The following SGCZ variants were observed in gnomAD, a reference collection of about 807,000 sequenced individuals.
SGCZ encodes the protein sarcoglycan zeta, also known as zeta-sarcoglycan.
SGCZ carries 40 observed loss-of-function variants against 41.3 expected under a neutral mutation model. That is an observed-to-expected ratio of 0.97 (90% CI 0.75 to 1.26). The LOEUF (loss-of-function observed/expected upper bound fraction) is 1.26. SGCZ is among the 50% of genes most tolerant of loss of function. SGCZ has a pLI of 0.00. For missense variants in SGCZ, 552 were observed against 369.8 expected, an observed-to-expected ratio of 1.49 and a Z score of -4.04; for synonymous variants, 206 against 137.5, an observed-to-expected ratio of 1.50 and a Z score of -3.49.
chr8:14,267,147 G>A (rs905708586), intron 3 of SGCZ, among the ~76,000 whole-genome samples: 14 of 151,970 alleles, frequency 9.2e-5, no homozygotes, highest in African/African-American at 3.4e-4. Context: ...CCAGATAAGA[G>A]TTATTATTAT....
At chr8:15,003,842 G>A (rs1802509010) in intron 1 of SGCZ, among the ~76,000 whole-genome samples, 1 of 152,106 alleles carries the variant, frequency 6.6e-6, no homozygotes, top group Non-Finnish European at 1.5e-5. Context: ...AAGTGTTGCT[G>A]ATGAAAACAA....
chr8:14,839,952 T>C (rs1802842236), intron 1 of SGCZ, among the ~76,000 whole-genome samples: 1 of 152,170 alleles, frequency 6.6e-6, no homozygotes. Flanking sequence ...TATTCTAATT[T>C]GTAGTATTAT....
At chr8:14,900,713 G>A (rs887088503) in intron 1 of SGCZ, among the ~76,000 whole-genome samples, 15 of 152,076 alleles carry the variant, frequency 9.9e-5, no homozygotes, top group Non-Finnish European at 1.8e-4. Flanking sequence ...TGCAGTTTAC[G>A]AAATCTGAAA....
intron 2 of SGCZ, among the ~76,000 whole-genome samples, chr8:14,551,573 T>TATATA: frequency 4.1e-5 from 1 of 24,668 alleles, no homozygotes; most frequent in South Asian, 8.7e-4. Flanking sequence ...ATATATAATA[T>TATATA]ATATATAATA....
intron 7 of SGCZ, among the ~76,000 whole-genome samples, chr8:14,099,164 C>G (rs1419661700): frequency 6.6e-6 from 1 of 152,168 alleles, no homozygotes. Flanking sequence ...CATTCCTGCA[C>G]CTACCTAGAT....
intron 5 of SGCZ, among the ~76,000 whole-genome samples, chr8:14,112,072 T>C (rs1301624233): frequency 1.3e-5 from 2 of 151,880 alleles, no homozygotes; most frequent in African/African-American, 4.8e-5. Context: ...GAAGAAGAGG[T>C]AGCACAAGAA....
rs554332622 is a variant in SGCZ at position 15,110,767 on chromosome 8, G to A, written c.39+126818C>T. Among the ~76,000 whole-genome samples the A allele has an allele frequency of 6.6e-4, 100 of 152,156 alleles. 1 individual carries two copies. The highest frequency in any genetic ancestry group is 6.8e-3 in the Middle Eastern group (2 of 294). ...GCGGATCACCTGAGGTCAGGAGTTC[G>A]AGACCAGCCTGACCAACATGGAGAA... On this transcript the variant is annotated intron_variant, in intron 1 of 7. Coordinates refer to ENST00000382080, the MANE Select transcript of SGCZ (RefSeq NM_139167.4).
At chr8:14,860,684 G>C (rs1340305558) in intron 1 of SGCZ, among the ~76,000 whole-genome samples, 1 of 130,790 alleles carries the variant, frequency 7.6e-6, no homozygotes, top group African/African-American at 3.0e-5. Flanking sequence ...AAGAGAGAAA[G>C]AAAGAAAGAA....
intron 1 of SGCZ, among the ~76,000 whole-genome samples, chr8:14,779,878 G>A (rs1020136328): frequency 6.6e-6 from 1 of 152,120 alleles, no homozygotes; most frequent in Non-Finnish European, 1.5e-5. Flanking sequence ...ATTGTTTAAA[G>A]ATTACATTTA....
rs970737991 is a variant in SGCZ at position 14,592,066 on chromosome 8, A to G, written c.40-37140T>C. On this transcript the variant is annotated intron_variant, in intron 1 of 7. Transcript: ENST00000382080. ...GTGTCATTATATCATCTCCCAAAAT[A>G]TAGCAAAGACTTGAAAAATGTCAAT... Among the ~76,000 whole-genome samples, 3 of 152,180 alleles carry G rather than the reference A, an allele frequency of 2.0e-5. No homozygotes were observed. The South Asian group carries it at 6.2e-4, about 31-fold the overall frequency.
chr8:14,970,787 G>C (rs1585423569), intron 1 of SGCZ, among the ~76,000 whole-genome samples: 1 of 151,966 alleles, frequency 6.6e-6, no homozygotes. Flanking sequence ...CTTTAGTTTT[G>C]TCCATTTCTA....
At chr8:14,703,363 G>C (rs905764055) in intron 1 of SGCZ, among the ~76,000 whole-genome samples, 2 of 151,786 alleles carry the variant, frequency 1.3e-5, no homozygotes, top group African/African-American at 4.8e-5. Context: ...CTTTGCCTGG[G>C]TGGTCTGTAT....
intron 1 of SGCZ, among the ~76,000 whole-genome samples, chr8:14,566,619 C>T (rs531801758): frequency 1.8e-4 from 27 of 152,374 alleles, no homozygotes. Context: ...ATGCTACCTT[C>T]TTCTTTTGTT....
chr8:14,328,788 A>G (rs185982760), intron 2 of SGCZ, among the ~76,000 whole-genome samples: 1 of 152,292 alleles, frequency 6.6e-6, no homozygotes, highest in Admixed American at 6.5e-5. Context: ...TAAGAGGTGG[A>G]GGCTTTAAGA....
chr8:14,714,892 T>C (rs1366829551), intron 1 of SGCZ, among the ~76,000 whole-genome samples: 1 of 152,068 alleles, frequency 6.6e-6, no homozygotes, highest in Non-Finnish European at 1.5e-5. Context: ...AGAGCTAAAT[T>C]TTAAAATTAA....
At chr8:14,283,103 C>A (rs886589726) in intron 3 of SGCZ, among the ~76,000 whole-genome samples, 29 of 152,088 alleles carry the variant, frequency 1.9e-4, no homozygotes, top group African/African-American at 7.0e-4. Context: ...CCCGCCTCGG[C>A]CTTCCAAAGT....
At chr8:14,672,649 G>A (rs888881793) in intron 1 of SGCZ, among the ~76,000 whole-genome samples, 7 of 152,098 alleles carry the variant, frequency 4.6e-5, no homozygotes, top group Non-Finnish European at 8.8e-5. Flanking sequence ...CTTTTTGGAG[G>A]AAACAGTGTT....
intron 1 of SGCZ, among the ~76,000 whole-genome samples, chr8:15,222,737 T>C (rs997542080): frequency 1.3e-5 from 2 of 152,104 alleles, no homozygotes; most frequent in African/African-American, 4.8e-5. Context: ...AAACTTTCAT[T>C]TATCAAGCTT....
intron 1 of SGCZ, 37 bp from the exon 2 acceptor site, chr8:14,554,963 A>C (rs1396948944): frequency 6.7e-6 from 10 of 1,497,142 alleles, no homozygotes; most frequent in Non-Finnish European, 9.0e-6. Context: ...AAAGAAGGAA[A>C]AAAAAAGAAG....
Sources: allele counts gnomAD v4.1 joint callset (sites outside exome capture counted in the v4.1 genomes callset), GRCh38; gene constraint gnomAD v4.1.1; transcripts MANE v1.5; gene names NCBI Gene and HGNC (gene_info 2026-07-23, HGNC 2026-07-21).